PMPCA: variants seen among roughly 807,000 people sequenced by gnomAD.
PMPCA encodes mitochondrial-processing peptidase subunit alpha.
In PMPCA, 47 loss-of-function variants were observed where a neutral mutation model predicts 59.3. The ratio of observed to expected loss-of-function variants is 0.79; its 90% CI spans 0.63 to 1.01. The LOEUF (loss-of-function observed/expected upper bound fraction) is 1.01, where lower values mean the gene tolerates loss of function less well. Ranked by LOEUF, PMPCA falls within the 50% of genes least tolerant of loss-of-function variation. The pLI is 0.00. For missense variants in PMPCA, 726 were observed against 704.5 expected (o/e 1.03, Z -0.34); for synonymous variants, 338 against 290.3 (o/e 1.16, Z -1.67).
intron 4 of PMPCA, among the ~76,000 whole-genome samples, chr9:136,413,368 G>C (rs1835188650): frequency 6.6e-6 from 1 of 152,152 alleles, no homozygotes; most frequent in African/African-American, 2.4e-5. Flanking sequence ...GGTGCCGGCT[G>C]CTTGGTGGAG....
At chr9:136,414,510 G>A (rs1456476304) in intron 4 of PMPCA, 43 bp from the exon 5 acceptor site, 1 of 1,314,708 alleles carries the variant, frequency 7.6e-7, no homozygotes, top group African/African-American at 1.4e-5. Flanking sequence ...TAAGCAGAGT[G>A]TGAGTTCAGG....
intron 11 of PMPCA, among the ~76,000 whole-genome samples, chr9:136,421,337 C>T (rs1351347182): frequency 6.6e-6 from 1 of 151,810 alleles, no homozygotes; most frequent in African/African-American, 2.4e-5. Flanking sequence ...ACACGTAGCA[C>T]AGCCCTTCCC....
chr9:136,419,831 C>T (rs935624152), intron 11 of PMPCA: 1 of 152,390 alleles, frequency 6.6e-6, no homozygotes, highest in African/African-American at 2.4e-5. Flanking sequence ...GATCCGTTGC[C>T]TTGGCCTCCC....
intron 12 of PMPCA, 134 bp downstream of exon 12, chr9:136,422,110 T>C: frequency 6.5e-7 from 1 of 1,545,522 alleles, no homozygotes. Context: ...CTTCACCAGT[T>C]GTCCTCAGCA....
chr9:136,412,667 C>T (rs1398964114), intron 3 of PMPCA, 98 bp downstream of exon 3: 1 of 784,654 alleles, frequency 1.3e-6, no homozygotes, highest in Non-Finnish European at 2.2e-6. Flanking sequence ...TATCAAGTTG[C>T]TAAGTTAATG....
At position 136,417,101 on chromosome 9, in the gene PMPCA, C is replaced by CATCT; in HGVS notation, c.785_788dup (p.Val264SerfsTer25). ...GGCCGGCGTGGGCGTGGAGCACGAG[C>CATCT]ATCTGGTGGACTGTGCCCGGAAGTA... On this transcript the variant is annotated frameshift_variant, in exon 7 of 13. Coordinates refer to ENST00000371717, the MANE Select transcript of PMPCA (RefSeq NM_015160.3). LOFTEE classifies it high-confidence loss of function. The CATCT allele has an allele frequency of 6.2e-7, 1 of 1,613,944 alleles. No homozygotes were observed. The highest frequency in any genetic ancestry group is 8.5e-7 in the Non-Finnish European group (1 of 1,180,028).
intron 11 of PMPCA, among the ~76,000 whole-genome samples, chr9:136,421,441 G>C (rs1273516183): frequency 1.7e-5 from 2 of 118,020 alleles, no homozygotes; most frequent in Non-Finnish European, 3.3e-5. Flanking sequence ...ACAGAGTCTT[G>C]CTCTGTCGCC....
In PMPCA at chr9:136,423,079, T is replaced by C. The variant is rs891179314; in HGVS notation, c.1409-16T>C. 2 of 1,607,128 alleles carry C rather than the reference T, an allele frequency of 1.2e-6. No homozygotes were observed. Among genetic ancestry groups the C allele is most frequent in the African/African-American group, 2.7e-5 (2 of 74,896 alleles). ...CGTGGCGCGCTCGTGTGACACGCGTTTGCCCTCTGCACTAGGCAACGTGAA... is the reference window on the plus strand; with the variant it reads ...CGTGGCGCGCTCGTGTGACACGCGTCTGCCCTCTGCACTAGGCAACGTGAA... On this transcript the variant is annotated splice_polypyrimidine_tract_variant and intron_variant, in intron 12 of 12. Coordinates refer to ENST00000371717, the MANE Select transcript of PMPCA (RefSeq NM_015160.3).
At chr9:136,414,444 G>A in intron 4 of PMPCA, 109 bp from the exon 5 acceptor site, 1 of 749,438 alleles carries the variant, frequency 1.3e-6, no homozygotes, top group South Asian at 1.5e-5. Flanking sequence ...CAGAGTGTGA[G>A]CTCAGGGCCT....
At position 136,412,377 on chromosome 9, in the gene PMPCA, C is replaced by G. The variant is rs182785497; in HGVS notation, c.275-113C>G. The G allele has an allele frequency of 1.8e-3, 1,355 of 749,238 alleles. 21 individuals carry two copies. In the Admixed American group the frequency reaches 0.021, roughly 11 times the overall value. 46.4% of individuals were successfully genotyped at this position (749,238 alleles called of 1,614,324 possible). ...CTGTGAAACCATCAGCACAATCACC[C>G]TCATGTAATTAAATCTGATTATCAT... On this transcript the variant is annotated intron_variant, in intron 2 of 12. Transcript: ENST00000371717.
Position 136,416,386 on chromosome 9 carries a change from C to T in PMPCA, c.628C>T (p.His210Tyr). Residue 210 changes from histidine (H) to tyrosine (Y), a missense_variant, in exon 6 of 13, where the codon CAT (histidine) becomes TAT (tyrosine). By Grantham distance (83) the His-to-Tyr change is moderately conservative (BLOSUM62 2). Transcript: ENST00000371717. Reference sequence around the variant, plus strand: ...AGAGCCACTTCTCACCGAGATGATTCATGAAGTAAAATGTCAAACTCGAGA... The same window carrying T: ...AGAGCCACTTCTCACCGAGATGATTTATGAAGTAAAATGTCAAACTCGAGA... ...DPEPLLTEMIHEAAYRENTVG... is the reference protein window; with the variant it reads ...DPEPLLTEMIYEAAYRENTVG... 6.2e-7 allele frequency: 1 copy of T among 1,609,582 alleles called. No individual in the cohort carries two copies. The highest frequency in any genetic ancestry group is 8.5e-7 in the Non-Finnish European group (1 of 1,175,932).
At chr9:136,421,811 C>T (rs1347623012) in intron 11 of PMPCA, 21 bp from the exon 12 acceptor site, 5 of 1,569,992 alleles carry the variant, frequency 3.2e-6, no homozygotes, top group Non-Finnish European at 4.3e-6. Flanking sequence ...GTGTGCTCAC[C>T]TGACTGGACC....
In PMPCA at chr9:136,421,868, A is replaced by G. The variant is rs560212236; in HGVS notation, c.1300A>G (p.Met434Val). 3 of 1,607,046 alleles carry G rather than the reference A, an allele frequency of 1.9e-6. No homozygotes were observed. The highest frequency in any genetic ancestry group is 2.7e-5 in the African/African-American group (2 of 74,876). ...LERAKTQLTS[M>V]LMMNLESRPV... Reference sequence around the variant, plus strand: ...ACGAGCCAAGACGCAGCTGACATCAATGCTCATGATGAACCTGGAATCCAG... The same window carrying G: ...ACGAGCCAAGACGCAGCTGACATCAGTGCTCATGATGAACCTGGAATCCAG... The change falls in exon 12 of 13, where the codon ATG becomes GTG. Residue 434 changes from methionine (M) to valine (V), a missense_variant. By Grantham distance (21) the Met-to-Val change is conservative. Coordinates refer to ENST00000371717, the MANE Select transcript of PMPCA (RefSeq NM_015160.3).
At chr9:136,412,305 G>A in intron 2 of PMPCA, 106 bp downstream of exon 2, 3 of 923,486 alleles carry the variant, frequency 3.2e-6, no homozygotes, top group Non-Finnish European at 5.4e-6. Context: ...TGTACCCTGA[G>A]TGGAAACAAA....
At chr9:136,411,715 T>C (rs1315577559) in intron 1 of PMPCA, among the ~76,000 whole-genome samples, 1 of 152,202 alleles carries the variant, frequency 6.6e-6, no homozygotes, top group Non-Finnish European at 1.5e-5. Flanking sequence ...TTAAGTGCTT[T>C]ATGTGTACAA....
chr9:136,421,283 G>T (rs1369888803), intron 11 of PMPCA, among the ~76,000 whole-genome samples: 1 of 152,226 alleles, frequency 6.6e-6, no homozygotes, highest in Non-Finnish European at 1.5e-5. Flanking sequence ...GAACTCAAGG[G>T]AGGCACATTG....
chr9:136,411,871 A>G (rs1217482608), intron 1 of PMPCA, 126 bp from the exon 2 acceptor site: 3 of 671,480 alleles, frequency 4.5e-6, no homozygotes, highest in South Asian at 1.7e-5. Flanking sequence ...GTCTGTAGAA[A>G]TAAGTCCTGT....
intron 2 of PMPCA, 73 bp from the exon 3 acceptor site, chr9:136,412,417 T>C: frequency 2.4e-6 from 2 of 845,956 alleles, no homozygotes; most frequent in Admixed American, 2.2e-5. Flanking sequence ...TATTGACATC[T>C]TAAAATGTTT....
chr9:136,418,932 C>T lies in PMPCA; in HGVS notation c.1200+14C>T. 2 of 1,612,154 alleles carry T rather than the reference C, an allele frequency of 1.2e-6. No homozygotes were observed. Among genetic ancestry groups the T allele is most frequent in the African/African-American group, 1.3e-5 (1 of 75,040 alleles). On this transcript the variant is annotated intron_variant, in intron 10 of 12. Coordinates refer to ENST00000371717, the MANE Select transcript of PMPCA (RefSeq NM_015160.3). ...GACCCAAGACAGGTGAGGGCCCCGC[C>T]TGCCACCGTCCTCAGTGCGGTTGCC...
Sources: allele counts gnomAD v4.1 joint callset (sites outside exome capture counted in the v4.1 genomes callset), GRCh38; gene constraint gnomAD v4.1.1; transcripts MANE v1.5; gene names NCBI Gene and HGNC (gene_info 2026-07-23, HGNC 2026-07-21).